The following LIPC variants were observed in gnomAD, a reference collection of about 807,000 sequenced individuals.
LIPC encodes the protein hepatic triacylglycerol lipase.
A neutral mutation model predicts 50.7 loss-of-function variants in LIPC; 44 were observed. That is an observed-to-expected ratio of 0.87 (90% CI 0.68 to 1.11). The LOEUF is 1.11. Ranked by LOEUF, LIPC falls within the 50% of genes most tolerant of loss-of-function variation. The pLI, the probability that LIPC is intolerant of heterozygous loss-of-function variation, is 0.00. For missense variants in LIPC, 697 were observed against 648.2 expected (o/e 1.08, Z -0.82); for synonymous variants, 271 against 256.4 (o/e 1.06, Z -0.54).
At chr15:58,537,994 C>A (rs1893191417) in intron 1 of LIPC, among the ~76,000 whole-genome samples, 1 of 152,176 alleles carries the variant, frequency 6.6e-6, no homozygotes, top group Admixed American at 6.5e-5. Flanking sequence ...CAGTTTTTGG[C>A]AGTGTGATTT....
At chr15:58,538,182 T>C in intron 1 of LIPC, 151 bp from the exon 2 acceptor site, 1 of 808,022 alleles carries the variant, frequency 1.2e-6, no homozygotes, top group South Asian at 1.4e-5. Flanking sequence ...AAACAGTCTT[T>C]GGGGCTCCCC....
intron 1 of LIPC, among the ~76,000 whole-genome samples, chr15:58,509,235 C>T (rs1892258173): frequency 6.6e-6 from 1 of 152,190 alleles, no homozygotes. Context: ...TTGATTCCTC[C>T]TCAGATGATG....
At chr15:58,439,041 G>A (rs1392558137) in intron 1 of LIPC, among the ~76,000 whole-genome samples, 1 of 152,236 alleles carries the variant, frequency 6.6e-6, no homozygotes, top group Non-Finnish European at 1.5e-5. Flanking sequence ...GCCTGGTGAA[G>A]TCAGTTCTGG....
At chr15:58,454,788 G>A (rs1194385543) in intron 1 of LIPC, 2 of 152,228 alleles carry the variant, frequency 1.3e-5, no homozygotes, top group Non-Finnish European at 2.9e-5. Flanking sequence ...CGCCCACATG[G>A]GCTGGGATCA....
Position 58,442,415 on chromosome 15 carries a change from G to A in LIPC, c.88+10295G>A, listed in dbSNP as rs542151153. On this transcript the variant is annotated intron_variant, in intron 1 of 8. Transcript: ENST00000299022. The stretch of plus-strand genomic sequence containing the variant: ...ATGGGATTCTGTAAGAACAGCCCAC[G>A]CAGTCAATGACCCTTATGCCATTTC... 2.0e-5 allele frequency among the ~76,000 whole-genome samples: 3 copies of A among 152,262 alleles called. No homozygotes were observed. In the South Asian group the frequency reaches 6.2e-4, roughly 32 times the overall value.
At chr15:58,506,950 C>T (rs375524778) in intron 1 of LIPC, among the ~76,000 whole-genome samples, 4 of 152,184 alleles carry the variant, frequency 2.6e-5, no homozygotes, top group South Asian at 2.1e-4. Context: ...CACATCCTTC[C>T]GCAAATGGTG....
At chr15:58,531,117 T>A (rs1483471416) in intron 1 of LIPC, among the ~76,000 whole-genome samples, 1 of 152,238 alleles carries the variant, frequency 6.6e-6, no homozygotes, top group Non-Finnish European at 1.5e-5. Context: ...ACCAGCAATC[T>A]ATGAGGAGTT....
At chr15:58,465,728 C>G (rs7169744) in intron 1 of LIPC, among the ~76,000 whole-genome samples, 20,565 of 152,196 alleles carry the variant, frequency 0.14, 1,431 homozygotes, top group Non-Finnish European at 0.17. Context: ...GACCAGGAAG[C>G]TTGGACCCGT....
rs76588424 is a variant in LIPC at position 58,541,506 on chromosome 15, T to C, written c.274-279T>C. On this transcript the variant is annotated intron_variant, in intron 2 of 8. Coordinates refer to ENST00000299022, the MANE Select transcript of LIPC (RefSeq NM_000236.3). ...CTCGGGAGGGGGCGGGGGGGAACGT[T>C]TGGAAAAATCTGGAGACATTTTTGG... 0.028 allele frequency among the ~76,000 whole-genome samples: 4,291 copies of C among 151,820 alleles called. 166 individuals carry two copies. Among genetic ancestry groups the C allele is most frequent in the East Asian group, 0.095 (490 of 5,154 alleles).
At chr15:58,432,496 T>C in intron 1 of LIPC, 1 of 307,820 alleles carries the variant, frequency 3.2e-6, no homozygotes, top group Non-Finnish European at 6.3e-6. Context: ...TGCAATGAAA[T>C]GCTCTGTCGG....
intron 1 of LIPC, among the ~76,000 whole-genome samples, chr15:58,510,778 A>G (rs537516703): frequency 6.6e-6 from 1 of 152,366 alleles, no homozygotes; most frequent in South Asian, 2.1e-4. Context: ...CTATTTGTGT[A>G]TACTGGATTC....
rs1391454313 is a variant in LIPC at position 58,432,090 on chromosome 15, T to C, written c.58T>C (p.Ser20Pro). Reference sequence around the variant, plus strand: ...GTTGGTTTTATGCATCTTTATCCAATCAAGTGCCCTTGGACAAAGCCTGAA... The same window carrying C: ...GTTGGTTTTATGCATCTTTATCCAACCAAGTGCCCTTGGACAAAGCCTGAA... ...ILLVLCIFIQ[S>P]SALGQSLKPE... is the part of the protein sequence containing the mutation. Residue 20 changes from serine (S) to proline (P), a missense_variant, in exon 1 of 9, where the codon TCA (serine) becomes CCA (proline). Ser to Pro is a moderately conservative substitution (Grantham distance 74, BLOSUM62 -1). Coordinates refer to ENST00000299022, the MANE Select transcript of LIPC (RefSeq NM_000236.3). 2 of 1,613,832 alleles carry C rather than the reference T, an allele frequency of 1.2e-6. No homozygotes were observed. The highest frequency in any genetic ancestry group is 1.7e-6 in the Non-Finnish European group (2 of 1,179,854).
chr15:58,475,380 G>A (rs147826012), intron 1 of LIPC, among the ~76,000 whole-genome samples: 1 of 152,312 alleles, frequency 6.6e-6, no homozygotes, highest in African/African-American at 2.4e-5. Flanking sequence ...CAGACAGCCC[G>A]GCCACCCAGG....
At chr15:58,567,116 C>T (rs1398515280) in intron 8 of LIPC, among the ~76,000 whole-genome samples, 1 of 150,008 alleles carries the variant, frequency 6.7e-6, no homozygotes, top group Non-Finnish European at 1.5e-5. Flanking sequence ...GCAAAGGAAT[C>T]GCTTGAACCC....
chr15:58,520,182 T>C (rs1892614330), intron 1 of LIPC, among the ~76,000 whole-genome samples: 1 of 151,256 alleles, frequency 6.6e-6, no homozygotes, highest in South Asian at 2.1e-4. Context: ...TTTGAATGTG[T>C]GTCAGCCATG....
chr15:58,438,195 C>A (rs578201377), intron 1 of LIPC, among the ~76,000 whole-genome samples: 1 of 152,138 alleles, frequency 6.6e-6, no homozygotes, highest in Non-Finnish European at 1.5e-5. Flanking sequence ...CACAGTGCTG[C>A]GGGCATGCTG....
At position 58,444,599 on chromosome 15, in the gene LIPC, G is replaced by A. The variant is rs183439992; in HGVS notation, c.88+12479G>A. On this transcript the variant is annotated intron_variant, in intron 1 of 8. Coordinates refer to ENST00000299022, the MANE Select transcript of LIPC (RefSeq NM_000236.3). ...TCTCTCCTTGTCTTCTGATGGCTGC[G>A]TCTCTTCTGTCTGCACACAGTCTTC... Among the ~76,000 whole-genome samples, 19 of 152,226 alleles carry A rather than the reference G, an allele frequency of 1.2e-4. No individual in the cohort carries two copies. In the East Asian group the frequency reaches 1.7e-3, roughly 14 times the overall value.
chr15:58,485,094 A>G (rs1891323950), intron 1 of LIPC, among the ~76,000 whole-genome samples: 1 of 152,212 alleles, frequency 6.6e-6, no homozygotes, highest in African/African-American at 2.4e-5. Flanking sequence ...AATGATAGGA[A>G]CCTAACAGCT....
intron 1 of LIPC, among the ~76,000 whole-genome samples, chr15:58,441,332 C>G (rs1893502955): frequency 6.6e-6 from 1 of 152,176 alleles, no homozygotes; most frequent in Non-Finnish European, 1.5e-5. Flanking sequence ...ATGAATCTTC[C>G]ATCTTAAAAA....
Sources: allele counts gnomAD v4.1 joint callset (sites outside exome capture counted in the v4.1 genomes callset), GRCh38; gene constraint gnomAD v4.1.1; transcripts MANE v1.5; gene names NCBI Gene and HGNC (gene_info 2026-07-23, HGNC 2026-07-21).